The following XYLT1 variants were observed in gnomAD, a reference collection of about 807,000 sequenced individuals.
XYLT1 encodes the protein xylosyltransferase 1.
A neutral mutation model predicts 91.3 loss-of-function variants in XYLT1; 36 were observed. The ratio of observed to expected loss-of-function variants is 0.39; its 90% CI spans 0.30 to 0.52. The LOEUF (loss-of-function observed/expected upper bound fraction) is 0.52. XYLT1 is among the 20% of genes least tolerant of loss of function. XYLT1 has a pLI of 0.68. For synonymous variants in XYLT1, 588 were observed against 532.0 expected (o/e 1.11, Z -1.45); for missense variants, 1,242 against 1,284.5 (o/e 0.97, Z 0.51).
chr16:17,344,492 CAAAA>C (rs199791926), intron 2 of XYLT1, among the ~76,000 whole-genome samples: 2 of 100,860 alleles, frequency 2.0e-5, no homozygotes, highest in African/African-American at 3.9e-5. Context: ...GACTCCATCT[CAAAA>C]AAAAAAAAAA....
At chr16:17,414,025 C>A (rs193060911) in intron 1 of XYLT1, among the ~76,000 whole-genome samples, 10 of 152,304 alleles carry the variant, frequency 6.6e-5, no homozygotes, top group South Asian at 2.1e-4. Flanking sequence ...GTTTGCCCTG[C>A]CTTGCCTCAC....
At chr16:17,235,072 A>G (rs1001837223) in intron 3 of XYLT1, among the ~76,000 whole-genome samples, 4 of 151,872 alleles carry the variant, frequency 2.6e-5, no homozygotes, top group Non-Finnish European at 5.9e-5. Context: ...AAAAAAAAAA[A>G]GTAGAGTCAT....
At chr16:17,360,277 G>A (rs903491970) in intron 1 of XYLT1, among the ~76,000 whole-genome samples, 8 of 152,174 alleles carry the variant, frequency 5.3e-5, no homozygotes, top group African/African-American at 1.9e-4. Flanking sequence ...TTGAAGAGGG[G>A]AGAATGCCAT....
intron 1 of XYLT1, among the ~76,000 whole-genome samples, chr16:17,411,272 T>C (rs763565347): frequency 1.3e-5 from 2 of 152,200 alleles, no homozygotes; most frequent in Non-Finnish European, 2.9e-5. Flanking sequence ...TTGATGTTGA[T>C]AATAAAAGCT....
intron 3 of XYLT1, among the ~76,000 whole-genome samples, chr16:17,255,590 T>C (rs1444087679): frequency 2.0e-5 from 3 of 152,204 alleles, no homozygotes; most frequent in Non-Finnish European, 4.4e-5. Context: ...CTCCACTTAA[T>C]TATTGCTACA....
Position 17,470,614 on chromosome 16 carries a change from C to T in XYLT1, c.183G>A (p.Pro61=), listed in dbSNP as rs1338654688. The change falls in exon 1 of 12, where the codon CCG becomes CCA. Residue 61 remains proline, a synonymous_variant. Transcript: ENST00000261381. The part of the protein sequence containing the change: ...VGGGEQPPPA[P]APRRERRDLP... ...GGTCCCGGCGCTCCCGGCGCGGGGC[C>T]GGGGCCGGGGGCGGCTGCTCCCCGC... 2 of 1,130,954 alleles carry T rather than the reference C, an allele frequency of 1.8e-6. No individual in the cohort carries two copies. The highest frequency in any genetic ancestry group is 2.2e-6 in the Non-Finnish European group (2 of 926,766). 70.1% of individuals were successfully genotyped at this position (1,130,954 alleles called of 1,614,324 possible). A position where few individuals can be genotyped will look rare whatever the true frequency, so the allele number is the denominator to read the frequency against.
At chr16:17,247,284 G>C (rs1272275960) in intron 3 of XYLT1, among the ~76,000 whole-genome samples, 2 of 152,262 alleles carry the variant, frequency 1.3e-5, no homozygotes, top group Non-Finnish European at 1.5e-5. Context: ...AAGGGAGCAA[G>C]CCTCTCATGG....
At chr16:17,457,664 T>A (rs1273961411) in intron 1 of XYLT1, among the ~76,000 whole-genome samples, 1 of 152,224 alleles carries the variant, frequency 6.6e-6, no homozygotes, top group Non-Finnish European at 1.5e-5. Context: ...AAGAGCATTT[T>A]ACATCCACAA....
intron 5 of XYLT1, among the ~76,000 whole-genome samples, chr16:17,184,583 C>A (rs141336979): frequency 4.0e-4 from 61 of 152,220 alleles, no homozygotes; most frequent in Middle Eastern, 3.4e-3. Flanking sequence ...AAATTTAGTT[C>A]CTCAGTCCCA....
chr16:17,262,927 A>AT (rs1282034085), intron 2 of XYLT1, among the ~76,000 whole-genome samples: 1 of 152,034 alleles, frequency 6.6e-6, no homozygotes, highest in Non-Finnish European at 1.5e-5. Flanking sequence ...ACAGGAGCCA[A>AT]TTTTTTTCTC....
At chr16:17,111,299 A>C (rs1202137103) in intron 11 of XYLT1, among the ~76,000 whole-genome samples, 1 of 152,220 alleles carries the variant, frequency 6.6e-6, no homozygotes, top group Non-Finnish European at 1.5e-5. Context: ...TGAAGGAAAG[A>C]AGCTAAACAC....
chr16:17,326,774 G>A (rs2034809187), intron 2 of XYLT1, among the ~76,000 whole-genome samples: 3 of 151,420 alleles, frequency 2.0e-5, no homozygotes, highest in Non-Finnish European at 4.4e-5. Context: ...GCAGTGAGCC[G>A]AGATCGCGCC....
At chr16:17,139,541 G>T (rs559342454) in intron 7 of XYLT1, among the ~76,000 whole-genome samples, 1 of 152,154 alleles carries the variant, frequency 6.6e-6, no homozygotes, top group Non-Finnish European at 1.5e-5. Context: ...AAATGGATGG[G>T]TGGGTAAATG....
chr16:17,204,523 GAGA>G (rs2032604253), intron 3 of XYLT1, among the ~76,000 whole-genome samples: 1 of 151,968 alleles, frequency 6.6e-6, no homozygotes. Flanking sequence ...GAGACATGCA[GAGA>G]AGGAGAAATA....
chr16:17,220,405 G>A (rs1039766044), intron 3 of XYLT1, among the ~76,000 whole-genome samples: 2 of 152,322 alleles, frequency 1.3e-5, no homozygotes, highest in South Asian at 2.1e-4. Context: ...CTTGAGAGAA[G>A]CAGTGGGTAG....
chr16:17,132,638 C>T (rs191146098), intron 9 of XYLT1, among the ~76,000 whole-genome samples: 11 of 151,686 alleles, frequency 7.3e-5, no homozygotes, highest in Admixed American at 3.9e-4. Flanking sequence ...CGCAATGGCT[C>T]ATGCCTGTAA....
chr16:17,135,841 A>G (rs1289379270), intron 8 of XYLT1, among the ~76,000 whole-genome samples: 3 of 152,380 alleles, frequency 2.0e-5, no homozygotes. Flanking sequence ...CTTTTATAGC[A>G]TAAAAGCAGC....
In XYLT1 at chr16:17,312,537, C is replaced by T. The variant is rs1365373865; in HGVS notation, c.402+45475G>A. 6.6e-6 allele frequency among the ~76,000 whole-genome samples: 1 copy of T among 152,210 alleles called. No individual in the cohort carries two copies. Among genetic ancestry groups the T allele is most frequent in the African/African-American group, 2.4e-5 (1 of 41,442 alleles). The stretch of plus-strand genomic sequence containing the variant: ...CAGAGTTCTGCACTCCCTCACCCAG[C>T]TTCCCCCAATGGTGACATCTTATGT... On this transcript the variant is annotated intron_variant, in intron 2 of 11. Coordinates refer to ENST00000261381, the MANE Select transcript of XYLT1 (RefSeq NM_022166.4). The surrounding 1 kb of genome is among the most constrained non-coding windows in gnomAD (Gnocchi z 4.4).
chr16:17,325,273 C>T (rs1039198850), intron 2 of XYLT1, among the ~76,000 whole-genome samples: 10 of 151,968 alleles, frequency 6.6e-5, no homozygotes, highest in African/African-American at 2.2e-4. Context: ...AGGTGGCGTG[C>T]GCCTGTAATC....
Sources: gnomAD v4.1 joint callset for allele counts (sites outside exome capture counted in the v4.1 genomes callset) on GRCh38, gnomAD v4.1.1 for gene constraint, Gnocchi (gnomAD v3.1) non-coding constraint, MANE v1.5 for transcripts, NCBI Gene and HGNC (gene_info 2026-07-23, HGNC 2026-07-21) for gene names.